The following CAB39L variants were observed in gnomAD, a reference collection of about 807,000 sequenced individuals.
The protein encoded by CAB39L is calcium-binding protein 39-like.
A neutral mutation model predicts 39.1 loss-of-function variants in CAB39L; 23 were observed. The observed-to-expected ratio is 0.59, with a 90% CI of 0.42 to 0.83. The LOEUF (loss-of-function observed/expected upper bound fraction) is 0.83. Among genes scored for constraint, CAB39L ranks in the 40% least tolerant of loss-of-function variants. CAB39L has a pLI of 0.00. For synonymous variants in CAB39L, 126 were observed against 137.2 expected (o/e 0.92, Z 0.57); for missense variants, 366 against 391.9 (o/e 0.93, Z 0.56).
In CAB39L at chr13:49,440,313, T is replaced by C. The variant is rs539386100; in HGVS notation, c.-246+3673A>G. The stretch of plus-strand genomic sequence containing the variant: ...GGTGTAAGGTAGAAGCCCAGTCTTA[T>C]ACACATGGCTAGCCAGTTATCCCAG... On this transcript the variant is annotated intron_variant, in intron 1 of 10. Coordinates refer to ENST00000409308, the MANE Select transcript of CAB39L (RefSeq NM_001079670.3). Among the ~76,000 whole-genome samples, 18 of 152,304 alleles carry C rather than the reference T, an allele frequency of 1.2e-4. No homozygotes were observed. In the South Asian group the frequency reaches 2.3e-3, roughly 19 times the overall value.
At chr13:49,372,701 C>T (rs935993278) in intron 5 of CAB39L, among the ~76,000 whole-genome samples, 1 of 152,148 alleles carries the variant, frequency 6.6e-6, no homozygotes, top group African/African-American at 2.4e-5. Flanking sequence ...GATGGAGTCT[C>T]GCTCTGTCGC....
At chr13:49,372,447 G>A (rs1171729790) in intron 5 of CAB39L, among the ~76,000 whole-genome samples, 2 of 152,096 alleles carry the variant, frequency 1.3e-5, no homozygotes, top group Non-Finnish European at 2.9e-5. Context: ...CAGAGAAGTA[G>A]GTTTGTCAAA....
intron 3 of CAB39L, among the ~76,000 whole-genome samples, chr13:49,432,922 G>A (rs1448341642): frequency 6.6e-6 from 1 of 152,122 alleles, no homozygotes; most frequent in African/African-American, 2.4e-5. Flanking sequence ...TCCTCATCCT[G>A]CTCCTTACAC....
intron 3 of CAB39L, among the ~76,000 whole-genome samples, chr13:49,429,897 T>G (rs1282369385): frequency 6.6e-6 from 1 of 152,198 alleles, no homozygotes; most frequent in Non-Finnish European, 1.5e-5. Flanking sequence ...CTTATAAAAT[T>G]TAATAAGTTA....
chr13:49,356,177 A>G (rs1048956739), intron 6 of CAB39L, among the ~76,000 whole-genome samples: 1 of 152,230 alleles, frequency 6.6e-6, no homozygotes, highest in African/African-American at 2.4e-5. Context: ...CAGTCTTAGC[A>G]TTACTAAAAG....
chr13:49,432,393 C>T (rs781328440), intron 3 of CAB39L, among the ~76,000 whole-genome samples: 3 of 152,146 alleles, frequency 2.0e-5, no homozygotes, highest in Non-Finnish European at 4.4e-5. Context: ...GCCTCAGTCT[C>T]CCAAAGTGCT....
At chr13:49,384,604 T>C (rs1052561648) in intron 3 of CAB39L, among the ~76,000 whole-genome samples, 3 of 152,210 alleles carry the variant, frequency 2.0e-5, no homozygotes, top group Non-Finnish European at 4.4e-5. Context: ...CTTTTGTTTG[T>C]TTTTTTAACT....
At position 49,416,621 on chromosome 13, in the gene CAB39L, C is replaced by T. The variant is rs180705131; in HGVS notation, c.-32+16697G>A. Among the ~76,000 whole-genome samples the T allele has an allele frequency of 3.3e-5, 5 of 152,268 alleles. No individual in the cohort carries two copies. The East Asian group carries it at 9.6e-4, about 29-fold the overall frequency. ...AGAAAACTGGCTCTGGAGCCTCCTACCTGACTTCACGTACTGCCTCTGCAA... is the reference window on the plus strand; with the variant it reads ...AGAAAACTGGCTCTGGAGCCTCCTATCTGACTTCACGTACTGCCTCTGCAA... On this transcript the variant is annotated intron_variant, in intron 3 of 10. Transcript: ENST00000409308.
intron 9 of CAB39L, among the ~76,000 whole-genome samples, chr13:49,334,535 A>C (rs1419246167): frequency 6.6e-6 from 1 of 152,188 alleles, no homozygotes. Context: ...TCTCAGAACC[A>C]GCTCAGACAT....
At chr13:49,441,356 C>T (rs1040310334) in intron 1 of CAB39L, among the ~76,000 whole-genome samples, 1 of 151,788 alleles carries the variant, frequency 6.6e-6, no homozygotes, top group African/African-American at 2.4e-5. Flanking sequence ...AGGAGGATCA[C>T]TGGAGTCCAG....
At chr13:49,313,189 T>A (rs974498525) in intron 10 of CAB39L, among the ~76,000 whole-genome samples, 1 of 152,104 alleles carries the variant, frequency 6.6e-6, no homozygotes, top group African/African-American at 2.4e-5. Context: ...CTTTAAAAAT[T>A]ACAACTGCTG....
At chr13:49,437,966 A>G (rs1365191984) in intron 1 of CAB39L, among the ~76,000 whole-genome samples, 2 of 152,064 alleles carry the variant, frequency 1.3e-5, no homozygotes, top group Non-Finnish European at 2.9e-5. Flanking sequence ...CTGGGACTAC[A>G]GGTGTGTGCC....
At chr13:49,403,460 A>G (rs937149792) in intron 3 of CAB39L, among the ~76,000 whole-genome samples, 2 of 152,150 alleles carry the variant, frequency 1.3e-5, no homozygotes. Context: ...ATCACCAGGC[A>G]TGCAAAGAAG....
At chr13:49,313,466 G>C (rs1047788611) in intron 10 of CAB39L, among the ~76,000 whole-genome samples, 1 of 149,696 alleles carries the variant, frequency 6.7e-6, no homozygotes, top group Admixed American at 6.6e-5. Context: ...GGGCAACAGA[G>C]TGAGACTCCG....
At chr13:49,358,855 G>T (rs1456545234) in intron 6 of CAB39L, among the ~76,000 whole-genome samples, 1 of 151,752 alleles carries the variant, frequency 6.6e-6, no homozygotes, top group Non-Finnish European at 1.5e-5. Context: ...GCAAGACGCT[G>T]TCTCAAAAAA....
chr13:49,425,208 A>G lies in CAB39L; in HGVS notation c.-32+8110T>C, dbSNP rs115855788. 7.0e-3 allele frequency among the ~76,000 whole-genome samples: 1,039 copies of G among 148,412 alleles called. 11 individuals carry two copies. The highest frequency in any genetic ancestry group is 0.025 in the African/African-American group (931 of 37,992). On this transcript the variant is annotated intron_variant, in intron 3 of 10. Transcript: ENST00000409308. ...TCAAAAAATAACTAAACAGGAGAACATTTTTTTACTTTACCTTAGAAGAAA... is the reference window on the plus strand; with the variant it reads ...TCAAAAAATAACTAAACAGGAGAACGTTTTTTTACTTTACCTTAGAAGAAA...
chr13:49,442,775 G>C (rs1459699285), intron 1 of CAB39L, among the ~76,000 whole-genome samples: 1 of 109,672 alleles, frequency 9.1e-6, no homozygotes, highest in African/African-American at 4.2e-5. Flanking sequence ...TAGGCGACAA[G>C]AGACTCCATC....
chr13:49,369,712 C>T (rs896721473), intron 5 of CAB39L, among the ~76,000 whole-genome samples: 1 of 151,952 alleles, frequency 6.6e-6, no homozygotes, highest in Non-Finnish European at 1.5e-5. Context: ...CTCAACCTCC[C>T]GAGTAGCTGA....
chr13:49,431,687 A>G (rs973615915), intron 3 of CAB39L, among the ~76,000 whole-genome samples: 18 of 152,168 alleles, frequency 1.2e-4, no homozygotes, highest in African/African-American at 3.6e-4. Context: ...AGCCTGGACA[A>G]CAGAGTGAGA....
Sources: gnomAD v4.1 joint callset for allele counts (sites outside exome capture counted in the v4.1 genomes callset) on GRCh38, gnomAD v4.1.1 for gene constraint, MANE v1.5 for transcripts, NCBI Gene and HGNC (gene_info 2026-07-23, HGNC 2026-07-21) for gene names.